ZFYVE1: variants seen among roughly 807,000 people sequenced by gnomAD.
ZFYVE1 encodes the protein zinc finger FYVE domain-containing protein 1.
ZFYVE1 carries 30 observed loss-of-function variants against 74.4 expected under a neutral mutation model. That is an observed-to-expected ratio of 0.40 (90% CI 0.30 to 0.55). The LOEUF (loss-of-function observed/expected upper bound fraction) is 0.55, where lower values mean the gene tolerates loss of function less well. ZFYVE1 is among the 20% of genes least tolerant of loss of function. ZFYVE1 has a pLI of 0.42. For missense variants in ZFYVE1, 703 were observed against 1,011.6 expected, an observed-to-expected ratio of 0.69 and a Z score of 4.14; for synonymous variants, 335 against 385.1, an observed-to-expected ratio of 0.87 and a Z score of 1.52.
At position 72,998,138 on chromosome 14, in the gene ZFYVE1, C is replaced by G; in HGVS notation, c.661G>C (p.Val221Leu). 6.2e-7 allele frequency: 1 copy of G among 1,614,064 alleles called. No individual in the cohort carries two copies. Among genetic ancestry groups the G allele is most frequent in the Non-Finnish European group, 8.5e-7 (1 of 1,179,998 alleles). Residue 221 changes from valine (V) to leucine (L), a missense_variant, in exon 3 of 12, where the codon GTG becomes CTG. This residue lies in a region of ZFYVE1 where 492 missense variants were observed against 790.0 expected (regional missense o/e 0.62). Transcript: ENST00000556143. ...SPTQESCTVGVWAAYDPVHKV... is the reference protein window; with the variant it reads ...SPTQESCTVGLWAAYDPVHKV... Reference sequence around the variant, plus strand: ...TGAACTGGGTCATAGGCTGCCCACACTCCCACAGTGCAGGACTCCTGGGTC... The same window carrying G: ...TGAACTGGGTCATAGGCTGCCCACAGTCCCACAGTGCAGGACTCCTGGGTC...
chr14:72,999,964 G>A (rs1264382248), intron 2 of ZFYVE1, among the ~76,000 whole-genome samples: 2 of 152,156 alleles, frequency 1.3e-5, no homozygotes, highest in East Asian at 1.9e-4. Flanking sequence ...GGGAGGCTGA[G>A]GCAGGAGAAT....
intron 8 of ZFYVE1, among the ~76,000 whole-genome samples, chr14:72,976,839 T>C (rs181005086): frequency 6.6e-6 from 1 of 150,382 alleles, no homozygotes. Context: ...ATGGTACCTA[T>C]AGGATCCAGG....
chr14:72,996,656 C>T (rs145386066), intron 3 of ZFYVE1, among the ~76,000 whole-genome samples: 272 of 152,264 alleles, frequency 1.8e-3, no homozygotes, highest in African/African-American at 6.3e-3. Flanking sequence ...AGCCAAGTCT[C>T]TCAGAGCTCA....
intron 1 of ZFYVE1, among the ~76,000 whole-genome samples, chr14:73,026,569 A>G (rs1049736404): frequency 6.6e-6 from 1 of 151,968 alleles, no homozygotes; most frequent in Admixed American, 6.6e-5. Flanking sequence ...TATAAAATCA[A>G]CCTTCAAAAG....
At chr14:73,001,094 G>A (rs375151027) in intron 2 of ZFYVE1, among the ~76,000 whole-genome samples, 1 of 152,232 alleles carries the variant, frequency 6.6e-6, no homozygotes, top group Non-Finnish European at 1.5e-5. Context: ...AGGGGGCTTT[G>A]AATGCTACGC....
chr14:72,984,577 T>C (rs957266765), intron 4 of ZFYVE1, among the ~76,000 whole-genome samples: 4 of 151,682 alleles, frequency 2.6e-5, no homozygotes, highest in African/African-American at 7.3e-5. Flanking sequence ...AGGATATGAA[T>C]GAATATATAG....
chr14:72,975,750 G>A lies in ZFYVE1; in HGVS notation c.1636-29C>T. 1 of 1,609,176 alleles carries A rather than the reference G, an allele frequency of 6.2e-7. No individual in the cohort carries two copies. The highest frequency in any genetic ancestry group is 1.3e-5 in the African/African-American group (1 of 74,974). On this transcript the variant is annotated intron_variant, in intron 8 of 11. Transcript: ENST00000556143. The surrounding 1 kb of genome is among the most constrained non-coding windows in gnomAD (Gnocchi z 4.1). ...AAATGAAAACGCAGGCTTCCATCAT[G>A]CTCTGAGAAGGGAGTGAAAGGAAGG...
At position 73,024,783 on chromosome 14, in the gene ZFYVE1, T is replaced by A; in HGVS notation, c.-275A>T. 1 of 377,654 alleles carries A rather than the reference T, an allele frequency of 2.6e-6. No homozygotes were observed. The highest frequency in any genetic ancestry group is 4.7e-6 in the Non-Finnish European group (1 of 213,912). The allele number at this position is 377,654 out of a possible 1,614,324, so 23.4% of individuals were successfully genotyped here. A position where few individuals can be genotyped will look rare whatever the true frequency, so the allele number is the denominator to read the frequency against. On this transcript the variant is annotated 5_prime_UTR_variant, in exon 2 of 12. Transcript: ENST00000556143. Reference sequence around the variant, plus strand: ...GTGCAAGCAAAGATGTGGTCAAAATTGACTTGGAAGGGTCTTTTATGGCTA... The same window carrying A: ...GTGCAAGCAAAGATGTGGTCAAAATAGACTTGGAAGGGTCTTTTATGGCTA...
At chr14:73,004,426 C>T (rs1045950986) in intron 2 of ZFYVE1, among the ~76,000 whole-genome samples, 4 of 152,036 alleles carry the variant, frequency 2.6e-5, no homozygotes, top group African/African-American at 7.2e-5. Flanking sequence ...TTGAATGTCT[C>T]GGGATTCATA....
intron 2 of ZFYVE1, among the ~76,000 whole-genome samples, chr14:73,015,636 A>G (rs1473565818): frequency 2.0e-5 from 3 of 152,074 alleles, no homozygotes; most frequent in African/African-American, 7.2e-5. Flanking sequence ...CGCCCGCCTC[A>G]GCCTCCCAAA....
intron 2 of ZFYVE1, among the ~76,000 whole-genome samples, chr14:73,004,403 T>C (rs1893934702): frequency 6.6e-6 from 1 of 152,022 alleles, no homozygotes; most frequent in Non-Finnish European, 1.5e-5. Context: ...CGGGGGAACA[T>C]TTAGGTACAG....
At chr14:72,976,838 A>G (rs560445213) in intron 8 of ZFYVE1, among the ~76,000 whole-genome samples, 1 of 152,042 alleles carries the variant, frequency 6.6e-6, no homozygotes, top group South Asian at 2.1e-4. Context: ...TATGGTACCT[A>G]TAGGATCCAG....
At chr14:73,014,765 CTGTTA>C (rs753063102) in intron 2 of ZFYVE1, among the ~76,000 whole-genome samples, 1 of 152,194 alleles carries the variant, frequency 6.6e-6, no homozygotes, top group Non-Finnish European at 1.5e-5. Flanking sequence ...GGATTTCCTT[CTGTTA>C]TGTTATCTAC....
intron 3 of ZFYVE1, among the ~76,000 whole-genome samples, chr14:72,997,119 G>A (rs755677223): frequency 5.3e-5 from 8 of 152,092 alleles, no homozygotes; most frequent in Non-Finnish European, 7.4e-5. Context: ...TGAACTGTCC[G>A]TGGTCCTAAG....
chr14:72,974,612 C>T (rs1475120208), intron 10 of ZFYVE1, among the ~76,000 whole-genome samples, 167 bp downstream of exon 10: 1 of 152,208 alleles, frequency 6.6e-6, no homozygotes, highest in African/African-American at 2.4e-5. Context: ...AGGAACAGCA[C>T]CCATAGGACG....
In ZFYVE1 at chr14:72,998,067, C is replaced by G. The variant is rs1453450185; in HGVS notation, c.732G>C (p.Val244=). ...IDTEGLLGAT[V]NLSQRTRLLL... The stretch of plus-strand genomic sequence containing the variant: ...GCAGCCGTGTTCTCTGGCTTAGATT[C>G]ACGGTGGCCCCCAGGAGCCCTTCCG... Residue 244 remains valine (V), a synonymous_variant, in exon 3 of 12, where the codon GTG becomes GTC. Transcript: ENST00000556143. 3.7e-6 allele frequency: 6 copies of G among 1,614,082 alleles called. No homozygotes were observed. Among genetic ancestry groups the G allele is most frequent in the Non-Finnish European group, 5.1e-6 (6 of 1,180,012 alleles).
At chr14:72,985,819 A>G in intron 4 of ZFYVE1, among the ~76,000 whole-genome samples, 1 of 151,832 alleles carries the variant, frequency 6.6e-6, no homozygotes, top group East Asian at 1.9e-4. Flanking sequence ...GGGTCTTACT[A>G]TGTTGCCCAG....
intron 2 of ZFYVE1, among the ~76,000 whole-genome samples, chr14:73,010,658 T>C (rs1035122542): frequency 6.6e-6 from 1 of 150,774 alleles, no homozygotes; most frequent in Non-Finnish European, 1.5e-5. Flanking sequence ...TGATCCCAGC[T>C]ACTCTGGAGG....
At chr14:72,978,566 CAAAAAAAAAA>C (rs58858186) in intron 6 of ZFYVE1, among the ~76,000 whole-genome samples, 8 of 50,948 alleles carry the variant, frequency 1.6e-4, no homozygotes, top group Non-Finnish European at 1.9e-4. Flanking sequence ...GACTCTGTCT[CAAAAAAAAAA>C]AAAAAAAAAA....
Sources: gnomAD v4.1 joint callset for allele counts (sites outside exome capture counted in the v4.1 genomes callset) on GRCh38, gnomAD v4.1.1 for gene constraint, gnomAD v4.1.1 regional missense constraint, Gnocchi (gnomAD v3.1) non-coding constraint, MANE v1.5 for transcripts, NCBI Gene and HGNC (gene_info 2026-07-23, HGNC 2026-07-21) for gene names.